The following IFT140 variants were observed in gnomAD, a reference collection of about 807,000 sequenced individuals.
IFT140 encodes intraflagellar transport 140.
IFT140 carries 133 observed loss-of-function variants against 164.6 expected under a neutral mutation model. The observed-to-expected ratio is 0.81, with a 90% CI of 0.70 to 0.93. The LOEUF is 0.93. Among genes scored for constraint, IFT140 ranks in the 40% least tolerant of loss-of-function variants. IFT140 has a pLI of 0.00. For synonymous variants in IFT140, 860 were observed against 817.3 expected (o/e 1.05, Z -0.89); for missense variants, 2,045 against 1,972.3 (o/e 1.04, Z -0.70).
At chr16:1,544,793 C>T (rs944279933) in intron 19 of IFT140, among the ~76,000 whole-genome samples, 3 of 151,568 alleles carry the variant, frequency 2.0e-5, no homozygotes, top group South Asian at 2.1e-4. Context: ...GGACTACAGG[C>T]ACCCGCCACC....
At chr16:1,611,632 T>C (rs191943587) in intron 1 of IFT140, among the ~76,000 whole-genome samples, 111 of 151,936 alleles carry the variant, frequency 7.3e-4, no homozygotes, top group African/African-American at 2.5e-3. Flanking sequence ...TTGGCCAACA[T>C]GGTGAAACCC....
At chr16:1,527,300 C>T (rs2040736765) in intron 19 of IFT140, among the ~76,000 whole-genome samples, 1 of 152,192 alleles carries the variant, frequency 6.6e-6, no homozygotes, top group Admixed American at 6.5e-5. Flanking sequence ...TGACCCAGCC[C>T]TGGAACCTGG....
chr16:1,587,410 A>G, intron 8 of IFT140, 106 bp from the exon 9 acceptor site: 1 of 711,436 alleles, frequency 1.4e-6, no homozygotes, highest in Non-Finnish European at 2.5e-6. Context: ...GGAAAAAGAC[A>G]TAGTTCATCA....
Position 1,557,969 on chromosome 16 carries a change from C to T in IFT140, c.2365G>A (p.Asp789Asn). 5 of 1,613,834 alleles carry T rather than the reference C, an allele frequency of 3.1e-6. No homozygotes were observed. In the South Asian group the frequency reaches 5.5e-5, roughly 18 times the overall value. Reference protein sequence around the residue: ...FSFFVTIGDMDEAFKSIKLIK... With the variant: ...FSFFVTIGDMNEAFKSIKLIK... The stretch of plus-strand genomic sequence containing the variant: ...AGCTTGATGGATTTGAAGGCTTCGT[C>T]CATGTCTCCTATGGTGACAAAGAAG... Residue 789 changes from aspartate to asparagine, a missense_variant, in exon 19 of 31, where the codon GAC becomes AAC. Transcript: ENST00000426508.
intron 13 of IFT140, among the ~76,000 whole-genome samples, chr16:1,576,154 C>T (rs1349284476): frequency 1.3e-5 from 2 of 151,728 alleles, no homozygotes; most frequent in Non-Finnish European, 2.9e-5. Flanking sequence ...GGTGTGGTGG[C>T]ACATGCCTGT....
intron 19 of IFT140, among the ~76,000 whole-genome samples, chr16:1,543,905 G>A (rs1432892159): frequency 6.6e-6 from 1 of 152,174 alleles, no homozygotes; most frequent in Non-Finnish European, 1.5e-5. Context: ...AAATGTAATT[G>A]GAAATGCTGG....
intron 4 of IFT140, among the ~76,000 whole-genome samples, chr16:1,594,613 C>T (rs942696898): frequency 4.6e-5 from 7 of 152,206 alleles, no homozygotes; most frequent in Non-Finnish European, 1.0e-4. Context: ...GTGAAGTCCT[C>T]GTGCTTGGTG....
At position 1,590,200 on chromosome 16, in the gene IFT140, C is replaced by CAAA. The variant is rs559750583; in HGVS notation, c.635-423_635-421dup. On this transcript the variant is annotated intron_variant, in intron 6 of 30. Transcript: ENST00000426508. The stretch of plus-strand genomic sequence containing the variant: ...TAGGCGACAGAGCAAGACTCTGTCT[C>CAAA]AAAAAAAAAAAAAAAAAAAAAATTA... Among the ~76,000 whole-genome samples the CAAA allele has an allele frequency of 2.2e-4, 17 of 78,202 alleles. No homozygotes were observed. The East Asian group carries it at 2.6e-3, about 12-fold the overall frequency. 51.3% of individuals were successfully genotyped at this position (78,202 alleles called of 152,430 possible).
At chr16:1,574,844 G>T (rs552366018) in intron 13 of IFT140, among the ~76,000 whole-genome samples, 50 of 152,274 alleles carry the variant, frequency 3.3e-4, no homozygotes, top group African/African-American at 1.2e-3. Flanking sequence ...CAAAGTTCTG[G>T]CCTAGGAAGC....
rs535820814 is a variant in IFT140 at position 1,542,274 on chromosome 16, C to A, written c.2400-15478G>T. Among the ~76,000 whole-genome samples the A allele has an allele frequency of 4.5e-4, 69 of 152,366 alleles. 1 individual carries two copies. The highest frequency in any genetic ancestry group is 1.9e-3 in the South Asian group (9 of 4,832). Reference sequence around the variant, plus strand: ...AGGCAAGAATGATGAAAGACAGAAACACACCCAGGCCAAGGAGCAGGGAGG... The same window carrying A: ...AGGCAAGAATGATGAAAGACAGAAAAACACCCAGGCCAAGGAGCAGGGAGG... On this transcript the variant is annotated intron_variant, in intron 19 of 30. Coordinates refer to ENST00000426508, the MANE Select transcript of IFT140 (RefSeq NM_014714.4).
intron 19 of IFT140, among the ~76,000 whole-genome samples, chr16:1,527,525 T>G (rs1257681363): frequency 6.6e-6 from 1 of 152,186 alleles, no homozygotes; most frequent in African/African-American, 2.4e-5. Flanking sequence ...TGGGCAGAGC[T>G]GCGTCAGGGC....
At position 1,568,209 on chromosome 16, in the gene IFT140, G is replaced by T. The variant is rs1048627499; in HGVS notation, c.1770+8C>A. On this transcript the variant is annotated splice_region_variant and intron_variant, in intron 15 of 30. Coordinates refer to ENST00000426508, the MANE Select transcript of IFT140 (RefSeq NM_014714.4). ...CGGAGTGGGCGAGTGGACGAGGGGT[G>T]GCCTCACCTTGCTGGGGAGGATGCT... 6.3e-7 allele frequency: 1 copy of T among 1,576,606 alleles called. No individual in the cohort carries two copies. The highest frequency in any genetic ancestry group is 2.3e-5 in the East Asian group (1 of 43,616).
At chr16:1,517,059 C>A (rs1319742207) in intron 30 of IFT140, among the ~76,000 whole-genome samples, 2 of 151,890 alleles carry the variant, frequency 1.3e-5, no homozygotes, top group Non-Finnish European at 2.9e-5. Flanking sequence ...ATTTCAGAAG[C>A]AGAGGAAAAA....
intron 7 of IFT140, 66 bp from the exon 8 acceptor site, chr16:1,588,090 G>C: frequency 7.3e-7 from 1 of 1,363,374 alleles, no homozygotes; most frequent in East Asian, 2.4e-5. Flanking sequence ...GGCTTCAGGA[G>C]CCTGGAGTCT....
At chr16:1,545,587 A>G (rs1322239511) in intron 19 of IFT140, among the ~76,000 whole-genome samples, 2 of 152,206 alleles carry the variant, frequency 1.3e-5, no homozygotes, top group Non-Finnish European at 2.9e-5. Flanking sequence ...GTCCTGTCAC[A>G]GGACAAGGAA....
At chr16:1,530,133 C>CTTTTTTTTTT (rs922819138) in intron 19 of IFT140, among the ~76,000 whole-genome samples, 7 of 88,586 alleles carry the variant, frequency 7.9e-5, no homozygotes, top group African/African-American at 2.7e-4. Flanking sequence ...CGACGGGAAT[C>CTTTTTTTTTT]TTTTTTTTTT....
At position 1,564,170 on chromosome 16, in the gene IFT140, A is replaced by G. The variant is rs2033586126; in HGVS notation, c.1902-8T>C. ...TCCACAAAGAGGTGGCTCCTAAAAG[A>G]CAAAGGAAGACCCGTTTCAACCCCA... On this transcript the variant is annotated splice_polypyrimidine_tract_variant and splice_region_variant and intron_variant, in intron 16 of 30. Coordinates refer to ENST00000426508, the MANE Select transcript of IFT140 (RefSeq NM_014714.4). This position sits in a 1 kb window ranked among gnomAD's most constrained non-coding sequence, Gnocchi z 5.5. The G allele has an allele frequency of 6.4e-7, 1 of 1,559,630 alleles. No individual in the cohort carries two copies. Among genetic ancestry groups the G allele is most frequent in the Non-Finnish European group, 8.7e-7 (1 of 1,143,264 alleles).
rs2141595363 is a variant in IFT140 at position 1,568,235 on chromosome 16, G to A, written c.1752C>T (p.Ile584=). The A allele has an allele frequency of 1.9e-6, 3 of 1,606,014 alleles. No individual in the cohort carries two copies. Among genetic ancestry groups the A allele is most frequent in the Non-Finnish European group, 2.5e-6 (3 of 1,176,822 alleles). The change falls in exon 15 of 31, where the codon ATC becomes ATT. Residue 584 remains isoleucine, a synonymous_variant. Transcript: ENST00000426508. ...SLRCSSSGST[I]SILPSKADNS... ...GCCTCACCTTGCTGGGGAGGATGCT[G>A]ATGGTGCTCCCGCTGCTGCTGCACC...
chr16:1,547,538 G>A (rs2032275813), intron 19 of IFT140, among the ~76,000 whole-genome samples: 1 of 152,058 alleles, frequency 6.6e-6, no homozygotes, highest in South Asian at 2.1e-4. Flanking sequence ...TGCTTGGTCT[G>A]GATTATTTAT....
Sources: allele counts gnomAD v4.1 joint callset (sites outside exome capture counted in the v4.1 genomes callset), GRCh38; gene constraint gnomAD v4.1.1; non-coding constraint Gnocchi (gnomAD v3.1); transcripts MANE v1.5; gene names NCBI Gene and HGNC (gene_info 2026-07-23, HGNC 2026-07-21).